Variants in DSCAM observed in about 807,000 individuals in gnomAD.
The protein encoded by DSCAM is cell adhesion molecule DSCAM.
A neutral mutation model predicts 217.7 loss-of-function variants in DSCAM; 47 were observed. That is an observed-to-expected ratio of 0.22 (90% CI 0.17 to 0.28). The LOEUF is 0.28. DSCAM is among the 10% of genes least tolerant of loss of function. The pLI is 1.00. For missense variants in DSCAM, 2,080 were observed against 2,618.3 expected, an observed-to-expected ratio of 0.79 and a Z score of 4.49; for synonymous variants, 1,056 against 1,015.3, an observed-to-expected ratio of 1.04 and a Z score of -0.76.
At chr21:40,767,006 A>G (rs1301280720) in intron 1 of DSCAM, among the ~76,000 whole-genome samples, 2 of 152,068 alleles carry the variant, frequency 1.3e-5, no homozygotes, top group African/African-American at 4.8e-5. Context: ...TCTTAATTTC[A>G]TGGTTCTTTG....
intron 20 of DSCAM, among the ~76,000 whole-genome samples, chr21:40,118,142 A>T (rs78811810): frequency 0.011 from 1,647 of 152,322 alleles, 34 homozygotes; most frequent in African/African-American, 0.038. Context: ...CTGCGAAGTC[A>T]TCCAATAAAT....
intron 2 of DSCAM, among the ~76,000 whole-genome samples, chr21:40,701,017 C>A (rs1007203075): frequency 1.3e-5 from 2 of 152,186 alleles, no homozygotes; most frequent in East Asian, 3.9e-4. Context: ...GGATTACAGG[C>A]ATGAGCCACT....
intron 20 of DSCAM, among the ~76,000 whole-genome samples, chr21:40,114,967 G>A (rs890588433): frequency 1.3e-5 from 2 of 152,208 alleles, no homozygotes; most frequent in Non-Finnish European, 2.9e-5. Flanking sequence ...CTGTTGGTGG[G>A]ACTGTAAACT....
At position 40,339,047 on chromosome 21, in the gene DSCAM, T is replaced by C. The variant is rs547558471; in HGVS notation, c.1507+72A>G. On this transcript the variant is annotated intron_variant, in intron 7 of 32. Coordinates refer to ENST00000400454, the MANE Select transcript of DSCAM (RefSeq NM_001389.5). ...TCTGGCATTCCAAGACCCAGCTCGG[T>C]GCATGCAGAAATCTTCTTCTCCACT... 5 of 1,561,596 alleles carry C rather than the reference T, an allele frequency of 3.2e-6. No homozygotes were observed. The African/African-American group carries it at 6.7e-5, about 21-fold the overall frequency.
rs560377372 is a variant in DSCAM, at chr21:40,317,144, G to A, written c.1784-4785C>T. ...TTTACTGTCCAGTTCAGTGCAAGGC[G>A]TGACTCCGAAATGATGAGGCTGTGA... is the stretch of plus-strand genomic sequence containing the variant. On this transcript the variant is annotated intron_variant, in intron 8 of 32. Transcript: ENST00000400454. Among the ~76,000 whole-genome samples the A allele has an allele frequency of 1.4e-4, 21 of 152,356 alleles. No homozygotes were observed. In the South Asian group the frequency reaches 2.7e-3, roughly 20 times the overall value.
chr21:40,562,696 A>G (rs2076729831), intron 3 of DSCAM, among the ~76,000 whole-genome samples: 1 of 152,136 alleles, frequency 6.6e-6, no homozygotes, highest in African/African-American at 2.4e-5. Context: ...CAGACCTTAA[A>G]CCAGACGCTC....
chr21:40,302,145 G>T (rs2074023758), intron 9 of DSCAM, among the ~76,000 whole-genome samples: 1 of 152,110 alleles, frequency 6.6e-6, no homozygotes, highest in African/African-American at 2.4e-5. Context: ...ATATTGTGGT[G>T]AGCCGGCTTG....
At chr21:40,304,366 A>C (rs1270006605) in intron 9 of DSCAM, among the ~76,000 whole-genome samples, 2 of 152,214 alleles carry the variant, frequency 1.3e-5, no homozygotes, top group African/African-American at 4.8e-5. Flanking sequence ...GCTTGTACTT[A>C]AGGGAATGTG....
chr21:40,684,275 G>T (rs1354306017), intron 3 of DSCAM, among the ~76,000 whole-genome samples: 4 of 152,156 alleles, frequency 2.6e-5, no homozygotes, highest in Non-Finnish European at 5.9e-5. Context: ...TGCTCAATGT[G>T]CCCAGTCTGC....
chr21:40,634,303 GC>G (rs1369499165), intron 3 of DSCAM, among the ~76,000 whole-genome samples: 2 of 152,198 alleles, frequency 1.3e-5, no homozygotes. Flanking sequence ...TTTGGTGGCA[GC>G]GGTTGGCAGT....
intron 11 of DSCAM, among the ~76,000 whole-genome samples, chr21:40,252,624 A>G (rs2073320183): frequency 6.6e-6 from 1 of 152,182 alleles, no homozygotes. Flanking sequence ...AAAAAATACT[A>G]AGAAGGGCCA....
chr21:40,492,734 T>C (rs1190129525), intron 3 of DSCAM, among the ~76,000 whole-genome samples: 4 of 152,058 alleles, frequency 2.6e-5, no homozygotes, highest in Admixed American at 2.6e-4. Context: ...TGGAATTATA[T>C]GACCAATTCA....
chr21:40,417,421 T>G (rs1361377084), intron 3 of DSCAM, among the ~76,000 whole-genome samples: 2 of 152,186 alleles, frequency 1.3e-5, no homozygotes, highest in Non-Finnish European at 2.9e-5. Context: ...CTTTAAATAA[T>G]CATTATAAAG....
chr21:40,733,270 A>T (rs2091031008), intron 1 of DSCAM, among the ~76,000 whole-genome samples: 1 of 152,234 alleles, frequency 6.6e-6, no homozygotes, highest in Non-Finnish European at 1.5e-5. Flanking sequence ...AGCCTGCTGG[A>T]TACTGACTGA....
intron 18 of DSCAM, among the ~76,000 whole-genome samples, chr21:40,140,260 C>G (rs1015429699): frequency 6.6e-6 from 1 of 152,116 alleles, no homozygotes. Context: ...ACTTCTACAT[C>G]GCACATTTAT....
chr21:40,793,255 T>G (rs1601270056), intron 1 of DSCAM, among the ~76,000 whole-genome samples: 1 of 152,054 alleles, frequency 6.6e-6, no homozygotes. Context: ...GCTGGAGGCC[T>G]GTGATGGGAG....
At chr21:40,441,262 T>C (rs1190030417) in intron 3 of DSCAM, among the ~76,000 whole-genome samples, 1 of 152,148 alleles carries the variant, frequency 6.6e-6, no homozygotes, top group African/African-American at 2.4e-5. Flanking sequence ...TTGTTGTTTA[T>C]TTAGCCCCCT....
chr21:40,577,176 T>G (rs2146213650), intron 3 of DSCAM, among the ~76,000 whole-genome samples: 1 of 151,576 alleles, frequency 6.6e-6, no homozygotes, highest in South Asian at 2.1e-4. Context: ...GTATTATATA[T>G]TCATTCACCA....
intron 11 of DSCAM, among the ~76,000 whole-genome samples, chr21:40,215,865 A>G (rs1025947782): frequency 6.6e-6 from 1 of 152,146 alleles, no homozygotes; most frequent in South Asian, 2.1e-4. Context: ...TAGGTAGAAC[A>G]AATCAATCAT....
Sources: allele counts gnomAD v4.1 joint callset (sites outside exome capture counted in the v4.1 genomes callset), GRCh38; gene constraint gnomAD v4.1.1; transcripts MANE v1.5; gene names NCBI Gene and HGNC (gene_info 2026-07-23, HGNC 2026-07-21).